KIZ: variants seen among roughly 807,000 people sequenced by gnomAD.
KIZ encodes the protein centrosomal protein kizuna.
In KIZ, 68 loss-of-function variants were observed where a neutral mutation model predicts 79.6. The ratio of observed to expected loss-of-function variants is 0.85; its 90% CI spans 0.70 to 1.05. KIZ has a LOEUF of 1.05. KIZ is among the 50% of genes least tolerant of loss of function. The probability of loss-of-function intolerance (pLI) is 0.00; values close to 1 mark genes in which losing one functional copy is unlikely to be tolerated. For missense variants in KIZ, 797 were observed against 800.4 expected (o/e 1.00, Z 0.05); for synonymous variants, 280 against 281.8 (o/e 0.99, Z 0.06).
intron 3 of KIZ, among the ~76,000 whole-genome samples, chr20:21,142,790 C>CAAATAAAT (rs56314647): frequency 0.56 from 82,876 of 147,794 alleles, 24,577 homozygotes; most frequent in South Asian, 0.71. Context: ...GCCCTTGTCT[C>CAAATAAAT]AAATAAATAA....
intron 6 of KIZ, among the ~76,000 whole-genome samples, chr20:21,168,609 G>C (rs1216144027): frequency 6.6e-6 from 1 of 152,168 alleles, no homozygotes; most frequent in Non-Finnish European, 1.5e-5. Flanking sequence ...AACCAAAAGA[G>C]AGCCCGCATC....
At chr20:21,237,223 AC>A (rs1182846789) in intron 11 of KIZ, among the ~76,000 whole-genome samples, 1 of 149,350 alleles carries the variant, frequency 6.7e-6, no homozygotes, top group Admixed American at 6.8e-5. Context: ...AATCGTTTGA[AC>A]CCAGGAGGCA....
chr20:21,238,065 A>G (rs537715633), intron 11 of KIZ, among the ~76,000 whole-genome samples: 4 of 152,216 alleles, frequency 2.6e-5, no homozygotes, highest in African/African-American at 9.6e-5. Flanking sequence ...TCCTGAGCTC[A>G]GGTGATCCAC....
At chr20:21,154,297 C>T (rs1293625529) in intron 4 of KIZ, 1 of 152,120 alleles carries the variant, frequency 6.6e-6, no homozygotes, top group Non-Finnish European at 1.5e-5. Flanking sequence ...TGAGGTCTGC[C>T]TTTAAATGCT....
Position 21,135,688 on chromosome 20 carries a change from C to G in KIZ, c.153-702C>G, listed in dbSNP as rs995130024. On this transcript the variant is annotated intron_variant, in intron 2 of 12. Coordinates refer to ENST00000619189, the MANE Select transcript of KIZ (RefSeq NM_018474.6). The stretch of plus-strand genomic sequence containing the variant: ...AACAGGGAAGAAGAGTTAGGATTAA[C>G]AGCGTTGGTGCCATGAGAAAAGTCG... Among the ~76,000 whole-genome samples, 4 of 152,254 alleles carry G rather than the reference C, an allele frequency of 2.6e-5. No homozygotes were observed. The South Asian group carries it at 8.3e-4, about 32-fold the overall frequency.
intron 9 of KIZ, among the ~76,000 whole-genome samples, chr20:21,216,036 T>G (rs2036274201): frequency 6.6e-6 from 1 of 152,176 alleles, no homozygotes; most frequent in African/African-American, 2.4e-5. Flanking sequence ...TATATTAAAA[T>G]AAGCAGATAA....
intron 6 of KIZ, among the ~76,000 whole-genome samples, chr20:21,185,002 C>G (rs2034810859): frequency 6.6e-6 from 1 of 152,184 alleles, no homozygotes; most frequent in African/African-American, 2.4e-5. Flanking sequence ...ATGATTGCAT[C>G]ACTGCATTCC....
intron 4 of KIZ, chr20:21,148,779 A>G (rs1023374031): frequency 3.3e-5 from 5 of 152,210 alleles, no homozygotes; most frequent in South Asian, 4.1e-4. Context: ...ATGCTGTGAA[A>G]TATATTCTAC....
At chr20:21,225,123 T>C (rs1600591453) in intron 9 of KIZ, among the ~76,000 whole-genome samples, 2 of 152,302 alleles carry the variant, frequency 1.3e-5, no homozygotes, top group East Asian at 3.9e-4. Flanking sequence ...TAGACAAGGA[T>C]AGATTTTCAC....
chr20:21,215,456 A>G, intron 8 of KIZ, 127 bp from the exon 9 acceptor site: 1 of 472,364 alleles, frequency 2.1e-6, no homozygotes, highest in South Asian at 3.4e-5. Flanking sequence ...TAGGAACAGT[A>G]TTGTTTCAGA....
intron 11 of KIZ, among the ~76,000 whole-genome samples, chr20:21,239,051 G>T (rs747537078): frequency 2.6e-5 from 4 of 152,222 alleles, no homozygotes; most frequent in Non-Finnish European, 5.9e-5. Flanking sequence ...ATCCAAATGT[G>T]CTGACAGTGC....
intron 4 of KIZ, among the ~76,000 whole-genome samples, chr20:21,153,157 C>T (rs1038983122): frequency 1.3e-5 from 2 of 152,152 alleles, no homozygotes; most frequent in African/African-American, 4.8e-5. Context: ...ATATAAATCT[C>T]TTAGCTCCTC....
At chr20:21,230,538 A>G (rs2036800085) in intron 10 of KIZ, among the ~76,000 whole-genome samples, 1 of 152,224 alleles carries the variant, frequency 6.6e-6, no homozygotes, top group Admixed American at 6.5e-5. Flanking sequence ...CATCAGACTT[A>G]GCTGTGTTTG....
intron 7 of KIZ, among the ~76,000 whole-genome samples, chr20:21,208,100 T>G (rs1333609971): frequency 6.6e-6 from 1 of 152,194 alleles, no homozygotes; most frequent in Non-Finnish European, 1.5e-5. Flanking sequence ...TTATTTCCCA[T>G]GCTTGTTCAC....
intron 11 of KIZ, among the ~76,000 whole-genome samples, chr20:21,243,502 T>C (rs1458813518): frequency 6.6e-6 from 1 of 152,116 alleles, no homozygotes; most frequent in Non-Finnish European, 1.5e-5. Flanking sequence ...ATGGTTTCTC[T>C]CCCAACATCT....
chr20:21,236,813 G>A (rs2037021579), intron 11 of KIZ, among the ~76,000 whole-genome samples: 1 of 151,948 alleles, frequency 6.6e-6, no homozygotes, highest in South Asian at 2.1e-4. Context: ...TGGCCAACAT[G>A]GTGAATATCC....
In KIZ at chr20:21,244,123, G is replaced by C. The variant is rs549596975; in HGVS notation, c.1881-122G>C. The C allele has an allele frequency of 3.8e-5, 27 of 718,708 alleles. No homozygotes were observed. In the East Asian group the frequency reaches 6.8e-4, roughly 18 times the overall value. 44.5% of individuals were successfully genotyped at this position (718,708 alleles called of 1,614,324 possible). On this transcript the variant is annotated intron_variant, in intron 11 of 12. Transcript: ENST00000619189. ...TCCCTTTACTTTTAAACTCTGGGAA[G>C]TAAGTGTAAAGTTCTGGCCTCCAGT...
chr20:21,169,484 G>C lies in KIZ; in HGVS notation c.1352+6325G>C, dbSNP rs989687531. ...GAACACTTTTACACTATTGATGGGAGTGTAAACTAGTTCAACCATTGTGGA... is the reference window on the plus strand; with the variant it reads ...GAACACTTTTACACTATTGATGGGACTGTAAACTAGTTCAACCATTGTGGA... On this transcript the variant is annotated intron_variant, in intron 6 of 12. Coordinates refer to ENST00000619189, the MANE Select transcript of KIZ (RefSeq NM_018474.6). Among the ~76,000 whole-genome samples the C allele has an allele frequency of 5.3e-5, 8 of 152,320 alleles. No individual in the cohort carries two copies. In the East Asian group the frequency reaches 5.8e-4, roughly 11 times the overall value.
intron 10 of KIZ, among the ~76,000 whole-genome samples, chr20:21,230,000 A>G (rs932161749): frequency 1.3e-5 from 2 of 152,096 alleles, no homozygotes; most frequent in African/African-American, 4.8e-5. Flanking sequence ...TCATTACACC[A>G]GTTTTTAGAG....
Sources: allele counts gnomAD v4.1 joint callset (sites outside exome capture counted in the v4.1 genomes callset), GRCh38; gene constraint gnomAD v4.1.1; transcripts MANE v1.5; gene names NCBI Gene and HGNC (gene_info 2026-07-23, HGNC 2026-07-21).